The following ARHGAP24 variants were observed in gnomAD, a reference collection of about 807,000 sequenced individuals.
ARHGAP24 encodes the protein Rho GTPase activating protein 24, also known as rho GTPase-activating protein 24.
ARHGAP24 carries 50 observed loss-of-function variants against 76.4 expected under a neutral mutation model. The ratio of observed to expected loss-of-function variants is 0.65; its 90% confidence interval spans 0.52 to 0.83. The LOEUF is 0.83. Ranked by LOEUF, ARHGAP24 falls within the 40% of genes least tolerant of loss-of-function variation. ARHGAP24 has a pLI of 0.00. For missense variants in ARHGAP24, 930 were observed against 914.2 expected (o/e 1.02, Z -0.22); for synonymous variants, 345 against 323.3 (o/e 1.07, Z -0.72).
At chr4:85,559,942 G>A (rs1726528683) in intron 1 of ARHGAP24, among the ~76,000 whole-genome samples, 2 of 152,102 alleles carry the variant, frequency 1.3e-5, no homozygotes, top group African/African-American at 4.8e-5. Context: ...TTCTTAGTTT[G>A]TCTACAGAAT....
rs1420355437 is a variant in ARHGAP24 at position 85,627,792 on chromosome 4, C to G, written c.180+57071C>G. ...TGGGCCATGGCAGGTGCCCTTTCCCCAGCCTGGCTGCCGCCTTGCAGTTTG... is the reference window on the plus strand; with the variant it reads ...TGGGCCATGGCAGGTGCCCTTTCCCGAGCCTGGCTGCCGCCTTGCAGTTTG... On this transcript the variant is annotated intron_variant, in intron 2 of 9. Transcript: ENST00000395184. 2.6e-5 allele frequency among the ~76,000 whole-genome samples: 4 copies of G among 152,232 alleles called. No individual in the cohort carries two copies. The East Asian group carries it at 7.7e-4, about 29-fold the overall frequency.
At chr4:85,880,082 C>T (rs1259941056) in intron 3 of ARHGAP24, among the ~76,000 whole-genome samples, 1 of 152,124 alleles carries the variant, frequency 6.6e-6, no homozygotes, top group Non-Finnish European at 1.5e-5. Context: ...CTGTTTTTTC[C>T]TATACATGCA....
At chr4:85,527,463 T>TA (rs1578009454) in intron 1 of ARHGAP24, among the ~76,000 whole-genome samples, 1 of 152,052 alleles carries the variant, frequency 6.6e-6, no homozygotes, top group African/African-American at 2.4e-5. Context: ...ATGATTTTTA[T>TA]AAAAAAATTA....
intron 3 of ARHGAP24, among the ~76,000 whole-genome samples, chr4:85,728,232 CAAAA>C (rs143928362): frequency 8.8e-5 from 8 of 90,554 alleles, no homozygotes; most frequent in Non-Finnish European, 1.5e-4. Context: ...ATCCTTTTGC[CAAAA>C]AAAAAAAAAA....
chr4:85,949,589 C>A (rs1054401100), intron 5 of ARHGAP24, among the ~76,000 whole-genome samples: 43 of 152,168 alleles, frequency 2.8e-4, no homozygotes, highest in African/African-American at 9.9e-4. Context: ...ATGGTTGAAA[C>A]TCTTTACACC....
At chr4:85,600,243 A>T (rs1719988647) in intron 2 of ARHGAP24, among the ~76,000 whole-genome samples, 2 of 152,206 alleles carry the variant, frequency 1.3e-5, no homozygotes, top group Admixed American at 1.3e-4. Flanking sequence ...GAGAAGGGCT[A>T]GAGAAGAGTC....
intron 1 of ARHGAP24, among the ~76,000 whole-genome samples, chr4:85,508,536 A>G (rs1360781212): frequency 6.6e-6 from 1 of 152,192 alleles, no homozygotes. Context: ...GCCAAAAGAG[A>G]AACACAATAC....
intron 2 of ARHGAP24, among the ~76,000 whole-genome samples, chr4:85,600,816 A>C (rs1409798568): frequency 6.6e-6 from 1 of 152,240 alleles, no homozygotes; most frequent in East Asian, 1.9e-4. Context: ...ACAAAACAAA[A>C]AATTCACAGG....
intron 2 of ARHGAP24, among the ~76,000 whole-genome samples, chr4:85,709,805 C>G (rs1724458258): frequency 6.6e-6 from 1 of 151,908 alleles, no homozygotes; most frequent in African/African-American, 2.4e-5. Flanking sequence ...AAGTACCTAG[C>G]CAGGGAAGTG....
chr4:85,828,455 G>C (rs1261976653), intron 3 of ARHGAP24, among the ~76,000 whole-genome samples: 1 of 151,540 alleles, frequency 6.6e-6, no homozygotes, highest in East Asian at 1.9e-4. Flanking sequence ...GGAGTTTTTT[G>C]TGTAATTGCT....
At chr4:85,771,204 G>T (rs144168749) in intron 3 of ARHGAP24, among the ~76,000 whole-genome samples, 1 of 152,192 alleles carries the variant, frequency 6.6e-6, no homozygotes, top group Non-Finnish European at 1.5e-5. Context: ...TGGCTCACAT[G>T]ATTATGGTGG....
At chr4:85,596,060 A>G (rs1311458204) in intron 2 of ARHGAP24, among the ~76,000 whole-genome samples, 1 of 151,594 alleles carries the variant, frequency 6.6e-6, no homozygotes, top group Admixed American at 6.6e-5. Context: ...AGGAAATATT[A>G]TTTTGCACAT....
rs571293427 is a variant in ARHGAP24 at position 85,739,984 on chromosome 4, C to T, written c.268+18012C>T. Among the ~76,000 whole-genome samples, 5 of 152,266 alleles carry T rather than the reference C, an allele frequency of 3.3e-5. No individual in the cohort carries two copies. The South Asian group carries it at 1.0e-3, about 32-fold the overall frequency. On this transcript the variant is annotated intron_variant, in intron 3 of 9. Coordinates refer to ENST00000395184, the MANE Select transcript of ARHGAP24 (RefSeq NM_001025616.3). ...CCCTATCGCCCCTTGCTCCCATGCT[C>T]CAGCCACACAGACTTGCCACATAGT...
At chr4:85,940,148 T>C (rs1736875552) in intron 4 of ARHGAP24, among the ~76,000 whole-genome samples, 1 of 152,128 alleles carries the variant, frequency 6.6e-6, no homozygotes, top group African/African-American at 2.4e-5. Context: ...AAGTTGTTAC[T>C]ACCATTGAAT....
intron 9 of ARHGAP24, among the ~76,000 whole-genome samples, chr4:85,996,036 A>G (rs1740638831): frequency 6.6e-6 from 1 of 152,216 alleles, no homozygotes; most frequent in African/African-American, 2.4e-5. Context: ...AGTTTTCACT[A>G]ACAAGAAAAG....
At chr4:85,845,966 C>T (rs1204417062) in intron 3 of ARHGAP24, among the ~76,000 whole-genome samples, 4 of 151,908 alleles carry the variant, frequency 2.6e-5, no homozygotes, top group African/African-American at 9.7e-5. Flanking sequence ...AGTGCAATGG[C>T]GCGATCTCGG....
chr4:85,901,947 G>C (rs758104776), intron 3 of ARHGAP24, among the ~76,000 whole-genome samples: 1 of 151,968 alleles, frequency 6.6e-6, no homozygotes, highest in Non-Finnish European at 1.5e-5. Flanking sequence ...CATGCATTAG[G>C]TATTTGTTCT....
chr4:85,872,064 T>C (rs1228130536), intron 3 of ARHGAP24, among the ~76,000 whole-genome samples: 1 of 151,700 alleles, frequency 6.6e-6, no homozygotes, highest in Admixed American at 6.6e-5. Context: ...GTAAGAACTA[T>C]AAAAATATTC....
intron 2 of ARHGAP24, among the ~76,000 whole-genome samples, chr4:85,680,262 C>G (rs530003418): frequency 1.3e-5 from 2 of 152,156 alleles, no homozygotes; most frequent in African/African-American, 2.4e-5. Flanking sequence ...CCTTGAACAA[C>G]TCTCATTTCA....
Sources: allele counts gnomAD v4.1 joint callset (sites outside exome capture counted in the v4.1 genomes callset), GRCh38; gene constraint gnomAD v4.1.1; transcripts MANE v1.5; gene names NCBI Gene and HGNC (gene_info 2026-07-23, HGNC 2026-07-21).